Variants in ALDH1A2 observed in about 807,000 individuals in gnomAD.
The protein encoded by ALDH1A2 is aldehyde dehydrogenase 1 family member A2.
A neutral mutation model predicts 60.3 loss-of-function variants in ALDH1A2; 27 were observed. The observed-to-expected ratio is 0.45, with a 90% CI of 0.33 to 0.62. ALDH1A2 has a LOEUF of 0.62. Ranked by LOEUF, ALDH1A2 falls within the 20% of genes least tolerant of loss-of-function variation. ALDH1A2 has a pLI of 0.02. For missense variants in ALDH1A2, 581 were observed against 643.8 expected, an observed-to-expected ratio of 0.90 and a Z score of 1.06; for synonymous variants, 289 against 232.4, an observed-to-expected ratio of 1.24 and a Z score of -2.21.
intron 7 of ALDH1A2, among the ~76,000 whole-genome samples, chr15:57,976,026 T>A (rs1391533747): frequency 6.6e-6 from 1 of 152,206 alleles, no homozygotes; most frequent in African/African-American, 2.4e-5. Flanking sequence ...TAAAGGTACA[T>A]TAAACAAAAA....
chr15:57,962,547 T>C (rs2119859), intron 9 of ALDH1A2, among the ~76,000 whole-genome samples: 64,740 of 152,054 alleles, frequency 0.43, 14,762 homozygotes, highest in Non-Finnish European at 0.52. Context: ...GTTGTATTGA[T>C]AGTAAAAAGA....
intron 7 of ALDH1A2, among the ~76,000 whole-genome samples, chr15:57,972,842 C>CTATT (rs1894116316): frequency 6.6e-6 from 1 of 152,038 alleles, no homozygotes; most frequent in Non-Finnish European, 1.5e-5. Context: ...AGAAAAAGGC[C>CTATT]TATTAGCTGT....
At chr15:57,991,166 G>C (rs1894883972) in intron 7 of ALDH1A2, among the ~76,000 whole-genome samples, 1 of 152,012 alleles carries the variant, frequency 6.6e-6, no homozygotes, top group African/African-American at 2.4e-5. Context: ...TTCTATCTAG[G>C]TTTATATTTT....
chr15:57,957,933 C>T (rs1239761314), intron 12 of ALDH1A2, among the ~76,000 whole-genome samples: 1 of 152,088 alleles, frequency 6.6e-6, no homozygotes, highest in Non-Finnish European at 1.5e-5. Context: ...GGGAGCGGGT[C>T]ACCGGAAGGC....
chr15:57,961,322 G>A, intron 10 of ALDH1A2, 28 bp from the exon 11 acceptor site: 1 of 1,611,246 alleles, frequency 6.2e-7, no homozygotes, highest in Non-Finnish European at 8.5e-7. Flanking sequence ...GACTCAACAT[G>A]GTTGCTCTGT....
At chr15:58,036,809 G>A (rs1237292290) in intron 1 of ALDH1A2, 2 of 151,718 alleles carry the variant, frequency 1.3e-5, no homozygotes, top group Admixed American at 6.6e-5. Flanking sequence ...CAGTGAAGGA[G>A]TTTGCTTCAG....
At chr15:58,003,481 A>G (rs139225157) in intron 4 of ALDH1A2, among the ~76,000 whole-genome samples, 1 of 151,972 alleles carries the variant, frequency 6.6e-6, no homozygotes, top group African/African-American at 2.4e-5. Flanking sequence ...GGAAAGTTAT[A>G]TATGACCTGG....
At chr15:57,970,184 GAAT>G (rs1894016461) in intron 7 of ALDH1A2, among the ~76,000 whole-genome samples, 1 of 152,216 alleles carries the variant, frequency 6.6e-6, no homozygotes, top group Admixed American at 6.5e-5. Flanking sequence ...CAGCTGCACT[GAAT>G]GATGGAAAAA....
chr15:58,060,603 T>C (rs1315298929), intron 1 of ALDH1A2, among the ~76,000 whole-genome samples: 7 of 151,446 alleles, frequency 4.6e-5, no homozygotes. Context: ...AGGCTTATTT[T>C]AACTCAGAGT....
At chr15:58,026,709 G>A (rs575619512) in intron 1 of ALDH1A2, among the ~76,000 whole-genome samples, 11 of 152,270 alleles carry the variant, frequency 7.2e-5, no homozygotes, top group East Asian at 3.9e-4. Flanking sequence ...GCAGACCAAC[G>A]TATTCCCTCC....
intron 4 of ALDH1A2, 87 bp from the exon 5 acceptor site, chr15:57,995,226 AAAAAAAAAAAC>A (rs1367704822): frequency 9.9e-4 from 741 of 750,812 alleles, no homozygotes; most frequent in Non-Finnish European, 1.2e-3. Flanking sequence ...GCAAAAAAAA[AAAAAAAAAAAC>A]AAACAGAAAT....
chr15:58,007,082 T>C (rs1895485101), intron 4 of ALDH1A2, among the ~76,000 whole-genome samples: 1 of 151,888 alleles, frequency 6.6e-6, no homozygotes, highest in Admixed American at 6.6e-5. Flanking sequence ...TACTTCTGTC[T>C]GGTTGGCCAT....
chr15:57,982,368 T>A (rs1469228532), intron 7 of ALDH1A2, among the ~76,000 whole-genome samples: 1 of 152,246 alleles, frequency 6.6e-6, no homozygotes, highest in Non-Finnish European at 1.5e-5. Flanking sequence ...TCCTTTAGTA[T>A]GATTTGAAGA....
intron 1 of ALDH1A2, among the ~76,000 whole-genome samples, chr15:58,053,976 G>C (rs919380329): frequency 6.6e-6 from 1 of 152,120 alleles, no homozygotes; most frequent in Non-Finnish European, 1.5e-5. Context: ...AATAGTATAT[G>C]TCGCCAATTC....
chr15:58,064,089 G>A (rs1156843461), intron 1 of ALDH1A2, among the ~76,000 whole-genome samples: 1 of 152,130 alleles, frequency 6.6e-6, no homozygotes, highest in Non-Finnish European at 1.5e-5. Flanking sequence ...TGAGGGTTAG[G>A]TCTTTTCTCC....
At chr15:58,062,643 C>A (rs757515392) in intron 1 of ALDH1A2, among the ~76,000 whole-genome samples, 1 of 152,120 alleles carries the variant, frequency 6.6e-6, no homozygotes, top group African/African-American at 2.4e-5. Context: ...CCAAATTGGT[C>A]CCCTCAATAC....
intron 4 of ALDH1A2, among the ~76,000 whole-genome samples, chr15:57,999,262 C>T (rs1032146032): frequency 2.6e-5 from 4 of 152,002 alleles, no homozygotes; most frequent in Middle Eastern, 3.2e-3. Context: ...GAACAGCCTA[C>T]AGAATGGGAG....
chr15:58,001,520 C>G (rs1895269958), intron 4 of ALDH1A2, among the ~76,000 whole-genome samples: 1 of 151,932 alleles, frequency 6.6e-6, no homozygotes, highest in African/African-American at 2.4e-5. Context: ...TCCCTTTCAT[C>G]TAGGCAGAGC....
In ALDH1A2 at chr15:58,018,600, G is replaced by T. The variant is rs1020109133; in HGVS notation, c.118-4319C>A. Among the ~76,000 whole-genome samples, 5 of 152,138 alleles carry T rather than the reference G, an allele frequency of 3.3e-5. No individual in the cohort carries two copies. In the East Asian group the frequency reaches 9.6e-4, roughly 29 times the overall value. ...ACAAAAGAAAAAATAGTAACTTTATGTTGGAGAAACTTGGCAGACACCACC... is the reference window on the plus strand; with the variant it reads ...ACAAAAGAAAAAATAGTAACTTTATTTTGGAGAAACTTGGCAGACACCACC... On this transcript the variant is annotated intron_variant, in intron 1 of 12. Coordinates refer to ENST00000249750, the MANE Select transcript of ALDH1A2 (RefSeq NM_003888.4).
Sources: gnomAD v4.1 joint callset for allele counts (sites outside exome capture counted in the v4.1 genomes callset) on GRCh38, gnomAD v4.1.1 for gene constraint, MANE v1.5 for transcripts, NCBI Gene and HGNC (gene_info 2026-07-23, HGNC 2026-07-21) for gene names.